The following RORA variants were observed in gnomAD, a reference collection of about 807,000 sequenced individuals.
RORA encodes the protein RAR related orphan receptor A, also known as nuclear receptor ROR-alpha.
A neutral mutation model predicts 69.5 loss-of-function variants in RORA; 7 were observed. The ratio of observed to expected loss-of-function variants is 0.10; its 90% CI spans 0.06 to 0.19. The LOEUF is 0.19. Among genes scored for constraint, RORA ranks in the 10% least tolerant of loss-of-function variants. The pLI, the probability that RORA is intolerant of heterozygous loss-of-function variation, is 1.00. For synonymous variants in RORA, 261 were observed against 240.8 expected, an observed-to-expected ratio of 1.08 and a Z score of -0.78; for missense variants, 457 against 663.0, an observed-to-expected ratio of 0.69 and a Z score of 3.41.
At chr15:60,926,390 T>G (rs944643738) in intron 1 of RORA, among the ~76,000 whole-genome samples, 1 of 152,206 alleles carries the variant, frequency 6.6e-6, no homozygotes, top group Non-Finnish European at 1.5e-5. Flanking sequence ...AACAGGCCCA[T>G]GGACTCAGCA....
chr15:60,580,865 A>C (rs111888278), intron 2 of RORA, among the ~76,000 whole-genome samples: 7 of 152,310 alleles, frequency 4.6e-5, no homozygotes, highest in African/African-American at 1.7e-4. Context: ...CTACAAAGAG[A>C]GCTGTCAGTC....
chr15:60,658,744 T>C (rs1325584075), intron 2 of RORA, among the ~76,000 whole-genome samples: 8 of 152,230 alleles, frequency 5.3e-5, no homozygotes, highest in African/African-American at 1.9e-4. Context: ...TACAGGTAAG[T>C]CTGTGCTTAA....
chr15:61,003,757 T>G (rs1204560743), intron 1 of RORA, among the ~76,000 whole-genome samples: 1 of 152,184 alleles, frequency 6.6e-6, no homozygotes, highest in Non-Finnish European at 1.5e-5. Context: ...ACAGGACTGC[T>G]TTTAGAAGAA....
At chr15:60,815,110 A>G (rs1191494473) in intron 1 of RORA, among the ~76,000 whole-genome samples, 2 of 152,164 alleles carry the variant, frequency 1.3e-5, no homozygotes, top group African/African-American at 4.8e-5. Flanking sequence ...CTCCTCTATA[A>G]AAACGAGTCT....
At chr15:61,140,243 C>T (rs747181408) in intron 1 of RORA, among the ~76,000 whole-genome samples, 10 of 152,114 alleles carry the variant, frequency 6.6e-5, no homozygotes, top group South Asian at 2.1e-4. Flanking sequence ...AGGCCCAACA[C>T]GGTACCTAAA....
intron 3 of RORA, among the ~76,000 whole-genome samples, chr15:60,517,093 C>T (rs948288763): frequency 2.9e-4 from 38 of 131,894 alleles, no homozygotes; most frequent in Admixed American, 2.4e-4. Flanking sequence ...TTTTATTTTT[C>T]TTTTTGTTCA....
chr15:60,789,436 C>G (rs998443285), intron 1 of RORA, among the ~76,000 whole-genome samples: 4 of 152,232 alleles, frequency 2.6e-5, no homozygotes, highest in African/African-American at 9.6e-5. Context: ...CAAACTCAAG[C>G]ACCACCTCTT....
intron 2 of RORA, among the ~76,000 whole-genome samples, chr15:60,591,554 C>T (rs2068512133): frequency 1.3e-5 from 2 of 152,046 alleles, no homozygotes; most frequent in South Asian, 2.1e-4. Flanking sequence ...CTGATGAGGG[C>T]GGAAGGCCGG....
intron 1 of RORA, among the ~76,000 whole-genome samples, chr15:60,784,470 G>T (rs1198561375): frequency 6.6e-6 from 1 of 152,138 alleles, no homozygotes; most frequent in Non-Finnish European, 1.5e-5. Context: ...CCATTATAGA[G>T]CTTTGATTCC....
At chr15:60,795,695 C>T (rs1206698181) in intron 1 of RORA, among the ~76,000 whole-genome samples, 1 of 152,196 alleles carries the variant, frequency 6.6e-6, no homozygotes. Flanking sequence ...TTGTCAACCA[C>T]AGACAATCAG....
intron 1 of RORA, among the ~76,000 whole-genome samples, chr15:60,829,317 G>A (rs1185318668): frequency 6.6e-6 from 1 of 152,120 alleles, no homozygotes; most frequent in Non-Finnish European, 1.5e-5. Flanking sequence ...ACATCTCACC[G>A]GGATGGACGA....
intron 1 of RORA, among the ~76,000 whole-genome samples, chr15:60,885,277 T>G (rs2073738516): frequency 6.6e-6 from 1 of 152,196 alleles, no homozygotes; most frequent in Non-Finnish European, 1.5e-5. Context: ...GTCCAAGTAC[T>G]CTGTAGTAGA....
intron 1 of RORA, among the ~76,000 whole-genome samples, chr15:60,901,231 G>T (rs144757320): frequency 4.1e-4 from 63 of 152,156 alleles, no homozygotes; most frequent in African/African-American, 1.5e-3. Context: ...CAGTGCAGTG[G>T]TGCGATCTCA....
chr15:60,645,549 G>A (rs1024847646), intron 2 of RORA, among the ~76,000 whole-genome samples: 21 of 151,140 alleles, frequency 1.4e-4, no homozygotes, highest in Admixed American at 6.0e-4. Flanking sequence ...GCGCCATCAC[G>A]CCTGGCTAAT....
chr15:61,190,307 A>G (rs2079785455), intron 1 of RORA, among the ~76,000 whole-genome samples: 1 of 152,240 alleles, frequency 6.6e-6, no homozygotes, highest in African/African-American at 2.4e-5. Context: ...AGGGACACCA[A>G]TAAGTTCTAT....
chr15:60,834,083 T>C (rs2073083308), intron 1 of RORA, among the ~76,000 whole-genome samples: 1 of 152,186 alleles, frequency 6.6e-6, no homozygotes, highest in African/African-American at 2.4e-5. Context: ...GACAGCCCCA[T>C]AAATCTTTGT....
intron 1 of RORA, among the ~76,000 whole-genome samples, chr15:60,834,331 G>C (rs1010395446): frequency 2.6e-5 from 4 of 152,134 alleles, no homozygotes; most frequent in African/African-American, 9.7e-5. Context: ...TAAAGTCTAA[G>C]TCAATAATGC....
chr15:60,573,073 C>G (rs1003331663), intron 2 of RORA, among the ~76,000 whole-genome samples: 149 of 152,298 alleles, frequency 9.8e-4, no homozygotes, highest in African/African-American at 3.3e-3. Context: ...TGGCTCCAAC[C>G]TTTAATTTAA....
At chr15:60,645,925 C>G (rs775348240) in intron 2 of RORA, among the ~76,000 whole-genome samples, 6 of 151,842 alleles carry the variant, frequency 4.0e-5, no homozygotes, top group African/African-American at 7.3e-5. Context: ...TAAAAGATAT[C>G]TGGATAAACT....
Sources: gnomAD v4.1 joint callset for allele counts (sites outside exome capture counted in the v4.1 genomes callset) on GRCh38, gnomAD v4.1.1 for gene constraint, MANE v1.5 for transcripts, NCBI Gene and HGNC (gene_info 2026-07-23, HGNC 2026-07-21) for gene names.